ABCG2: variants seen among roughly 807,000 people sequenced by gnomAD.
ABCG2 encodes ATP binding cassette subfamily G member 2 (JR blood group).
Under a neutral mutation model 73.5 loss-of-function variants are expected in ABCG2, and 80 were observed. The ratio of observed to expected loss-of-function variants is 1.09; its 90% CI spans 0.91 to 1.31. The LOEUF (loss-of-function observed/expected upper bound fraction) is 1.31, where lower values mean the gene tolerates loss of function less well. Among genes scored for constraint, ABCG2 ranks in the 50% most tolerant of loss-of-function variants. The probability of loss-of-function intolerance (pLI) is 0.00; values close to 1 mark genes in which losing one functional copy is unlikely to be tolerated. For missense variants in ABCG2, 796 were observed against 786.2 expected, an observed-to-expected ratio of 1.01 and a Z score of -0.15; for synonymous variants, 269 against 282.4, an observed-to-expected ratio of 0.95 and a Z score of 0.48.
chr4:88,182,823 C>T (rs573370768), intron 1 of ABCG2, among the ~76,000 whole-genome samples: 19 of 152,160 alleles, frequency 1.2e-4, no homozygotes, highest in South Asian at 4.1e-4. Flanking sequence ...TGGTGGCTCA[C>T]GCCTGTAATC....
chr4:88,169,714 A>G (rs1046563826), intron 1 of ABCG2, among the ~76,000 whole-genome samples: 1 of 152,150 alleles, frequency 6.6e-6, no homozygotes, highest in Non-Finnish European at 1.5e-5. Context: ...GTAAACGATG[A>G]TTCCGTTTCT....
intron 14 of ABCG2, 70 bp from the exon 15 acceptor site, chr4:88,094,729 C>T: frequency 8.7e-7 from 1 of 1,145,914 alleles, no homozygotes; most frequent in Non-Finnish European, 1.3e-6. Context: ...AGAGTTATCA[C>T]AATCATGCCC....
chr4:88,197,530 C>T (rs1728982882), intron 1 of ABCG2, among the ~76,000 whole-genome samples: 1 of 152,016 alleles, frequency 6.6e-6, no homozygotes, highest in African/African-American at 2.4e-5. Flanking sequence ...GTAGGAGGAT[C>T]CCCTGAGCCT....
At chr4:88,113,254 A>G in intron 9 of ABCG2, 49 bp downstream of exon 9, 1 of 1,584,830 alleles carries the variant, frequency 6.3e-7, no homozygotes, top group Non-Finnish European at 8.6e-7. Context: ...AGATGATAAC[A>G]GAACCACATT....
chr4:88,158,964 G>T (rs1333020077), upstream of ABCG2: 2 of 354,476 alleles, frequency 5.6e-6, no homozygotes. Flanking sequence ...GCGGGCGGGG[G>T]TGAGGCGTGG....
At chr4:88,222,882 G>T (rs1056775902) in intron 1 of ABCG2, among the ~76,000 whole-genome samples, 1 of 152,200 alleles carries the variant, frequency 6.6e-6, no homozygotes, top group Non-Finnish European at 1.5e-5. Context: ...ACCTTGAAAG[G>T]CCACAGAGGA....
Position 88,131,972 on chromosome 4 carries a change from T to C in ABCG2, c.264-55A>G, listed in dbSNP as rs373736609. ...AATAACCTATAAGAGAATATATATG[T>C]TGTGGGGTTTTTTTCCCTCCAACAC... On this transcript the variant is annotated intron_variant, in intron 3 of 15. Transcript: ENST00000237612. 11 of 1,358,180 alleles carry C rather than the reference T, an allele frequency of 8.1e-6. No individual in the cohort carries two copies. In the East Asian group the frequency reaches 1.4e-4, roughly 18 times the overall value. 84.1% of individuals were successfully genotyped at this position (1,358,180 alleles called of 1,614,324 possible).
intron 1 of ABCG2, among the ~76,000 whole-genome samples, chr4:88,220,241 C>A (rs1729966658): frequency 6.6e-6 from 1 of 152,206 alleles, no homozygotes; most frequent in Non-Finnish European, 1.5e-5. Context: ...ATTAGGGTTG[C>A]TTCCACTTTT....
intron 9 of ABCG2, among the ~76,000 whole-genome samples, chr4:88,111,344 TTTAA>T (rs1278503229): frequency 2.0e-5 from 3 of 152,210 alleles, no homozygotes; most frequent in African/African-American, 4.8e-5. Context: ...AAATTTTGCC[TTTAA>T]TTGATAGTAT....
chr4:88,128,888 C>A (rs1411621522), intron 5 of ABCG2, among the ~76,000 whole-genome samples: 1 of 152,094 alleles, frequency 6.6e-6, no homozygotes, highest in African/African-American at 2.4e-5. Context: ...CCTGCACGTT[C>A]TGCACATGTA....
chr4:88,216,784 CT>C (rs567617517), intron 1 of ABCG2, among the ~76,000 whole-genome samples: 3 of 152,296 alleles, frequency 2.0e-5, no homozygotes, highest in African/African-American at 7.2e-5. Flanking sequence ...AATTCCAGCA[CT>C]TTGGGAGGCC....
chr4:88,160,848 CAAA>C (rs765758097), upstream of ABCG2, among the ~76,000 whole-genome samples: 3 of 37,458 alleles, frequency 8.0e-5, no homozygotes, highest in African/African-American at 2.2e-4. Context: ...GACTCCATCT[CAAA>C]AAAAAAAAAA....
chr4:88,102,695 C>T (rs1054192945), intron 10 of ABCG2, among the ~76,000 whole-genome samples: 1 of 151,858 alleles, frequency 6.6e-6, no homozygotes, highest in Non-Finnish European at 1.5e-5. Flanking sequence ...TGCCAACATC[C>T]CTGAAACACC....
intron 7 of ABCG2, among the ~76,000 whole-genome samples, chr4:88,117,509 C>A (rs558121255): frequency 6.6e-6 from 1 of 151,780 alleles, no homozygotes; most frequent in Non-Finnish European, 1.5e-5. Context: ...TGGTTGTGGG[C>A]GCCTGCAGTC....
chr4:88,219,695 T>C (rs533225719), intron 1 of ABCG2, among the ~76,000 whole-genome samples: 142 of 147,774 alleles, frequency 9.6e-4, no homozygotes, highest in African/African-American at 3.4e-3. Flanking sequence ...CATTCTCCTG[T>C]CTCAGCCTCC....
chr4:88,216,313 T>C (rs1309033698), intron 1 of ABCG2, among the ~76,000 whole-genome samples: 2 of 152,240 alleles, frequency 1.3e-5, no homozygotes, highest in Non-Finnish European at 2.9e-5. Context: ...ATGGACCTTT[T>C]GGAATGGACA....
intron 1 of ABCG2, among the ~76,000 whole-genome samples, chr4:88,192,485 T>A (rs187961678): frequency 3.3e-5 from 5 of 152,178 alleles, no homozygotes; most frequent in South Asian, 2.1e-4. Context: ...AGTGGCGCAA[T>A]CTCGGCTCAC....
chr4:88,114,588 T>C (rs892250224), intron 8 of ABCG2, among the ~76,000 whole-genome samples: 4 of 150,580 alleles, frequency 2.7e-5, no homozygotes, highest in South Asian at 4.2e-4. Flanking sequence ...AATAGCACCA[T>C]TGCACTCCAG....
In ABCG2 at chr4:88,091,109, A is replaced by T. The variant is rs1158789291; in HGVS notation, c.*1125T>A. The T allele has an allele frequency of 6.6e-6, 1 of 152,238 alleles. No homozygotes were observed. The highest frequency in any genetic ancestry group is 1.5e-5 in the Non-Finnish European group (1 of 68,044). 9.4% of individuals were successfully genotyped at this position (152,238 alleles called of 1,614,324 possible). A position where few individuals can be genotyped will look rare whatever the true frequency, so the allele number is the denominator to read the frequency against. On this transcript the variant is annotated 3_prime_UTR_variant, in exon 16 of 16. Coordinates refer to ENST00000237612, the MANE Select transcript of ABCG2 (RefSeq NM_004827.3). ...TCATTTCAAAAATAACCCAGGGGTAAGGAAGGAAGTAGTGACTGGGAGAAT... is the reference window on the plus strand; with the variant it reads ...TCATTTCAAAAATAACCCAGGGGTATGGAAGGAAGTAGTGACTGGGAGAAT...
Sources: allele counts gnomAD v4.1 joint callset (sites outside exome capture counted in the v4.1 genomes callset), GRCh38; gene constraint gnomAD v4.1.1; transcripts MANE v1.5; gene names NCBI Gene and HGNC (gene_info 2026-07-23, HGNC 2026-07-21).